Variants in CNTN6 observed in about 807,000 individuals in gnomAD.
CNTN6 encodes the protein contactin 6, also known as contactin-6.
A neutral mutation model predicts 122.8 loss-of-function variants in CNTN6; 137 were observed. That is an observed-to-expected ratio of 1.12 (90% CI 0.97 to 1.29). The LOEUF (loss-of-function observed/expected upper bound fraction) is 1.29. Among genes scored for constraint, CNTN6 ranks in the 50% most tolerant of loss-of-function variants. The pLI, the probability that CNTN6 is intolerant of heterozygous loss-of-function variation, is 0.00. For synonymous variants in CNTN6, 570 were observed against 426.0 expected (o/e 1.34, Z -4.16); for missense variants, 1,634 against 1,223.4 (o/e 1.34, Z -5.01).
intron 2 of CNTN6, among the ~76,000 whole-genome samples, chr3:1,196,166 G>T (rs2093775201): frequency 6.6e-6 from 1 of 152,220 alleles, no homozygotes; most frequent in South Asian, 2.1e-4. Context: ...TTGCTTAACA[G>T]CATTTGGCAT....
At chr3:1,158,969 C>CACACACATATATATATATATATATAT (rs1553610778) in intron 2 of CNTN6, among the ~76,000 whole-genome samples, 16 of 112,928 alleles carry the variant, frequency 1.4e-4, no homozygotes, top group African/African-American at 5.3e-4. Context: ...CACACACACA[C>CACACACATATATATATATATATATAT]ATATATATAT....
chr3:1,367,394 C>T (rs931038296), intron 12 of CNTN6, among the ~76,000 whole-genome samples: 3 of 151,976 alleles, frequency 2.0e-5, no homozygotes, highest in Non-Finnish European at 4.4e-5. Context: ...CTTAGCGTGA[C>T]ATCCAGAGCT....
intron 2 of CNTN6, among the ~76,000 whole-genome samples, chr3:1,153,476 AC>A (rs1456478414): frequency 6.6e-6 from 1 of 152,218 alleles, no homozygotes; most frequent in Non-Finnish European, 1.5e-5. Context: ...AAAGTAGTTG[AC>A]TTTTAACACT....
In CNTN6 at chr3:1,327,537, A is replaced by C; in HGVS notation, c.1164A>C (p.Ala388=). Residue 388 remains alanine (A), a synonymous_variant, in exon 10 of 23, where the codon GCA becomes GCC. Coordinates refer to ENST00000446702, the MANE Select transcript of CNTN6 (RefSeq NM_001289080.2). ...ATTCTGGTGTGTACCAATGTGCTGC[A>C]GAAAACAAATATCAGATAATTTATG... ...VSDSGVYQCA[A]ENKYQIIYAN... 1 of 1,611,028 alleles carries C rather than the reference A, an allele frequency of 6.2e-7. No individual in the cohort carries two copies. Among genetic ancestry groups the C allele is most frequent in the Non-Finnish European group, 8.5e-7 (1 of 1,178,150 alleles).
At chr3:1,235,713 C>T (rs890738460) in intron 4 of CNTN6, among the ~76,000 whole-genome samples, 3 of 152,088 alleles carry the variant, frequency 2.0e-5, no homozygotes, top group African/African-American at 7.2e-5. Context: ...ATCCACAAAC[C>T]CTTTGAAAGA....
In CNTN6 at chr3:1,403,544, T is replaced by C; in HGVS notation, c.*126T>C. 1.9e-6 allele frequency: 1 copy of C among 520,502 alleles called. No homozygotes were observed. The highest frequency in any genetic ancestry group is 3.3e-6 in the Non-Finnish European group (1 of 299,780). The allele number at this position is 520,502 out of a possible 1,614,324, so 32.2% of individuals were successfully genotyped here. A position where few individuals can be genotyped will look rare whatever the true frequency, so the allele number is the denominator to read the frequency against. ...TTTGCAAAGAAAAAAAAAAGTATAT[T>C]ATTAAAATCCTGTAAATATCTATGG... On this transcript the variant is annotated 3_prime_UTR_variant, in exon 23 of 23. Transcript: ENST00000446702.
chr3:1,242,730 A>G (rs1006307296), intron 4 of CNTN6, among the ~76,000 whole-genome samples: 56 of 151,598 alleles, frequency 3.7e-4, no homozygotes, highest in African/African-American at 1.0e-3. Context: ...CACAGCTGTA[A>G]TCCAGGAATA....
At chr3:1,395,926 A>T (rs909753941) in intron 20 of CNTN6, among the ~76,000 whole-genome samples, 2 of 152,200 alleles carry the variant, frequency 1.3e-5, no homozygotes, top group African/African-American at 4.8e-5. Flanking sequence ...TAGACTGATG[A>T]GCATGAAATC....
At chr3:1,298,081 T>C (rs1187499870) in intron 7 of CNTN6, 90 bp downstream of exon 7, 1 of 851,694 alleles carries the variant, frequency 1.2e-6, no homozygotes, top group African/African-American at 1.7e-5. Flanking sequence ...TGCTCTAAGG[T>C]AAATTACCAA....
At chr3:1,224,458 G>C (rs536308225) in intron 3 of CNTN6, among the ~76,000 whole-genome samples, 2 of 152,040 alleles carry the variant, frequency 1.3e-5, no homozygotes, top group Admixed American at 1.3e-4. Context: ...GATTTTTGAG[G>C]TAATGAATAT....
At chr3:1,282,901 TTTTA>T (rs1693711476) in intron 5 of CNTN6, among the ~76,000 whole-genome samples, 1 of 152,198 alleles carries the variant, frequency 6.6e-6, no homozygotes. Flanking sequence ...AACAAAAATA[TTTTA>T]TTTCTTTCAC....
intron 12 of CNTN6, among the ~76,000 whole-genome samples, chr3:1,369,518 A>G (rs1416247695): frequency 4.6e-5 from 7 of 152,078 alleles, no homozygotes; most frequent in African/African-American, 1.7e-4. Flanking sequence ...ATTATAAGTG[A>G]TGAAATAAAC....
chr3:1,194,453 C>T (rs532214278), intron 2 of CNTN6, among the ~76,000 whole-genome samples: 1 of 152,060 alleles, frequency 6.6e-6, no homozygotes, highest in South Asian at 2.1e-4. Flanking sequence ...AAAACATTTA[C>T]ATATAAATCA....
chr3:1,135,215 T>G (rs1215240497), intron 1 of CNTN6, among the ~76,000 whole-genome samples: 3 of 152,196 alleles, frequency 2.0e-5, no homozygotes, highest in Non-Finnish European at 4.4e-5. Flanking sequence ...TTTTTATTAT[T>G]TCAAAATTCT....
intron 2 of CNTN6, among the ~76,000 whole-genome samples, chr3:1,166,760 A>G (rs749481651): frequency 8.5e-5 from 13 of 152,174 alleles, no homozygotes; most frequent in Non-Finnish European, 1.8e-4. Context: ...GGAAGCCATC[A>G]TTCTTAGCAG....
chr3:1,203,706 CA>C (rs2093917385), intron 2 of CNTN6, among the ~76,000 whole-genome samples: 1 of 152,164 alleles, frequency 6.6e-6, no homozygotes, highest in Non-Finnish European at 1.5e-5. Context: ...CTGTTATCAT[CA>C]AATAATGCAC....
At chr3:1,316,937 G>C (rs1054983981) in intron 7 of CNTN6, among the ~76,000 whole-genome samples, 1 of 151,844 alleles carries the variant, frequency 6.6e-6, no homozygotes, top group Non-Finnish European at 1.5e-5. Flanking sequence ...GATGAAGTGG[G>C]AATTGCTCAT....
chr3:1,132,900 G>C (rs1241508858), intron 1 of CNTN6, among the ~76,000 whole-genome samples: 1 of 151,980 alleles, frequency 6.6e-6, no homozygotes, highest in Non-Finnish European at 1.5e-5. Context: ...ATTCTATCAA[G>C]ATAACAAGAA....
chr3:1,162,872 T>A (rs944239891), intron 2 of CNTN6, among the ~76,000 whole-genome samples: 1 of 152,168 alleles, frequency 6.6e-6, no homozygotes. Flanking sequence ...TATCCTCCCA[T>A]TGCTTATATT....
Sources: allele counts gnomAD v4.1 joint callset (sites outside exome capture counted in the v4.1 genomes callset), GRCh38; gene constraint gnomAD v4.1.1; transcripts MANE v1.5; gene names NCBI Gene and HGNC (gene_info 2026-07-23, HGNC 2026-07-21).